The following FHIT variants were observed in gnomAD, a reference collection of about 807,000 sequenced individuals.
The protein encoded by FHIT is bis(5'-adenosyl)-triphosphatase.
Under a neutral mutation model 17.9 loss-of-function variants are expected in FHIT, and 19 were observed. The ratio of observed to expected loss-of-function variants is 1.06; its 90% CI spans 0.74 to 1.56. The LOEUF is 1.56. FHIT is among the 40% of genes most tolerant of loss of function. FHIT has a pLI of 0.00. For missense variants in FHIT, 248 were observed against 189.2 expected, an observed-to-expected ratio of 1.31 and a Z score of -1.82; for synonymous variants, 81 against 69.7, an observed-to-expected ratio of 1.16 and a Z score of -0.81.
chr3:59,869,207 T>C (rs1375752101), intron 8 of FHIT, among the ~76,000 whole-genome samples: 1 of 152,220 alleles, frequency 6.6e-6, no homozygotes. Context: ...AGACCGATTT[T>C]GTGATTAGAA....
chr3:60,932,085 A>G (rs1707982723), intron 3 of FHIT, among the ~76,000 whole-genome samples: 1 of 152,230 alleles, frequency 6.6e-6, no homozygotes. Flanking sequence ...GTTAGACATG[A>G]TAAATGGACA....
intron 5 of FHIT, among the ~76,000 whole-genome samples, chr3:60,168,743 G>A (rs1701290238): frequency 6.6e-6 from 1 of 152,210 alleles, no homozygotes; most frequent in East Asian, 1.9e-4. Context: ...TATATCTCCT[G>A]TAACTTGTCA....
At chr3:61,222,844 G>T (rs1466571933) in intron 1 of FHIT, among the ~76,000 whole-genome samples, 2 of 152,310 alleles carry the variant, frequency 1.3e-5, no homozygotes, top group East Asian at 3.9e-4. Flanking sequence ...GAATTTTGAT[G>T]CTGGGACAGA....
intron 5 of FHIT, among the ~76,000 whole-genome samples, chr3:60,431,597 G>A (rs1310723566): frequency 1.3e-5 from 2 of 152,032 alleles, no homozygotes; most frequent in African/African-American, 4.8e-5. Flanking sequence ...GTATTTTACT[G>A]GTGAAGGACG....
intron 4 of FHIT, among the ~76,000 whole-genome samples, chr3:60,654,009 G>C (rs963179279): frequency 1.3e-5 from 2 of 152,152 alleles, no homozygotes; most frequent in African/African-American, 4.8e-5. Context: ...TGACAAGTGA[G>C]CTATTGCTCT....
intron 1 of FHIT, among the ~76,000 whole-genome samples, chr3:61,235,729 A>G (rs1158467592): frequency 1.3e-5 from 2 of 152,164 alleles, no homozygotes; most frequent in African/African-American, 4.8e-5. Context: ...TGTTGGATAC[A>G]GATACTTGAC....
chr3:59,869,543 G>A (rs950346114), intron 8 of FHIT, among the ~76,000 whole-genome samples: 6 of 140,918 alleles, frequency 4.3e-5, no homozygotes, highest in East Asian at 2.3e-4. Context: ...GTGCAGTGGA[G>A]CGATCTCGGC....
intron 3 of FHIT, among the ~76,000 whole-genome samples, chr3:60,901,931 T>C (rs573274504): frequency 1.4e-4 from 22 of 152,332 alleles, no homozygotes; most frequent in Admixed American, 1.2e-3. Context: ...TTGGGGATTT[T>C]TGTTTTGTTT....
chr3:60,441,759 T>C lies in FHIT; in HGVS notation c.103+95101A>G, dbSNP rs1486995826. ...ATATATATATTTATATATATAAAAA[T>C]ATATATATATTTATATGTATAAAAA... On this transcript the variant is annotated intron_variant, in intron 5 of 9. Transcript: ENST00000492590. Among the ~76,000 whole-genome samples the C allele has an allele frequency of 6.9e-5, 4 of 58,212 alleles. No homozygotes were observed. The Admixed American group carries it at 7.5e-4, about 11-fold the overall frequency. 38.2% of individuals were successfully genotyped at this position (58,212 alleles called of 152,430 possible). A position where few individuals can be genotyped will look rare whatever the true frequency, so the allele number is the denominator to read the frequency against.
intron 5 of FHIT, among the ~76,000 whole-genome samples, chr3:60,186,070 T>C (rs1351722387): frequency 6.6e-6 from 1 of 152,214 alleles, no homozygotes; most frequent in Non-Finnish European, 1.5e-5. Context: ...CAGATTTGTA[T>C]TTTGTGTTCT....
At chr3:60,394,757 C>G (rs1056992206) in intron 5 of FHIT, among the ~76,000 whole-genome samples, 1 of 152,160 alleles carries the variant, frequency 6.6e-6, no homozygotes, top group Non-Finnish European at 1.5e-5. Flanking sequence ...AAGGTCTCCA[C>G]GAACATTAAC....
chr3:59,769,310 T>C (rs968056925), intron 8 of FHIT, among the ~76,000 whole-genome samples: 3 of 152,130 alleles, frequency 2.0e-5, no homozygotes, highest in African/African-American at 7.2e-5. Context: ...TGCCAAGCAG[T>C]GAGAACCCAT....
At chr3:60,263,907 G>A (rs1204688788) in intron 5 of FHIT, among the ~76,000 whole-genome samples, 3 of 151,578 alleles carry the variant, frequency 2.0e-5, no homozygotes, top group Admixed American at 6.6e-5. Flanking sequence ...CTGGTCTGGA[G>A]AAAGTGAGTG....
intron 2 of FHIT, among the ~76,000 whole-genome samples, chr3:61,078,433 C>T (rs2035035037): frequency 6.6e-6 from 1 of 152,012 alleles, no homozygotes; most frequent in Non-Finnish European, 1.5e-5. Context: ...AAAAGGGGGG[C>T]CTTACCCATT....
intron 3 of FHIT, among the ~76,000 whole-genome samples, chr3:61,038,440 T>C (rs888672028): frequency 1.3e-5 from 2 of 152,242 alleles, no homozygotes; most frequent in Non-Finnish European, 2.9e-5. Flanking sequence ...AGGATTTCTC[T>C]AGGTTAAGAG....
chr3:60,289,872 A>G (rs947826644), intron 5 of FHIT, among the ~76,000 whole-genome samples: 1 of 152,200 alleles, frequency 6.6e-6, no homozygotes, highest in African/African-American at 2.4e-5. Flanking sequence ...AAGTGGCTTC[A>G]AAGAACTGCC....
At chr3:61,181,967 T>G (rs1418912846) in intron 2 of FHIT, among the ~76,000 whole-genome samples, 5 of 152,228 alleles carry the variant, frequency 3.3e-5, no homozygotes, top group Admixed American at 1.3e-4. Context: ...GTTTAAATAC[T>G]CTAACCAGAA....
intron 4 of FHIT, among the ~76,000 whole-genome samples, chr3:60,682,134 G>A (rs554206874): frequency 6.6e-6 from 1 of 152,156 alleles, no homozygotes; most frequent in East Asian, 1.9e-4. Context: ...ACTACGCCCT[G>A]CTAATTTTTT....
chr3:59,937,456 T>C (rs1706297606), intron 7 of FHIT, among the ~76,000 whole-genome samples: 1 of 152,224 alleles, frequency 6.6e-6, no homozygotes. Flanking sequence ...GCACAATTTA[T>C]TTAAACATCG....
Sources: allele counts gnomAD v4.1 joint callset (sites outside exome capture counted in the v4.1 genomes callset), GRCh38; gene constraint gnomAD v4.1.1; transcripts MANE v1.5; gene names NCBI Gene and HGNC (gene_info 2026-07-23, HGNC 2026-07-21).